Variants in LHFPL3 observed in about 807,000 individuals in gnomAD.
The protein encoded by LHFPL3 is LHFPL tetraspan subfamily member 3.
A neutral mutation model predicts 19.3 loss-of-function variants in LHFPL3; 5 were observed. The observed-to-expected ratio is 0.26, with a 90% confidence interval of 0.14 to 0.54. The LOEUF (loss-of-function observed/expected upper bound fraction) is 0.54, where lower values mean the gene tolerates loss of function less well. Among genes scored for constraint, LHFPL3 ranks in the 20% least tolerant of loss-of-function variants. The pLI is 0.94. For missense variants in LHFPL3, 249 were observed against 307.4 expected (o/e 0.81, Z 1.42); for synonymous variants, 133 against 126.2 (o/e 1.05, Z -0.36).
intron 1 of LHFPL3, among the ~76,000 whole-genome samples, chr7:104,534,442 T>C (rs987754515): frequency 6.6e-6 from 1 of 152,240 alleles, no homozygotes; most frequent in Non-Finnish European, 1.5e-5. Context: ...TCAGCAGAGC[T>C]GGAGGATGTC....
intron 1 of LHFPL3, among the ~76,000 whole-genome samples, chr7:104,518,376 T>C (rs1793963087): frequency 6.6e-6 from 1 of 152,164 alleles, no homozygotes; most frequent in South Asian, 2.1e-4. Context: ...GGTAAAAATA[T>C]ATTAAGTTTG....
intron 1 of LHFPL3, among the ~76,000 whole-genome samples, chr7:104,331,715 TGAGGTAGGTG>T (rs1801570369): frequency 6.6e-6 from 1 of 152,064 alleles, no homozygotes; most frequent in Admixed American, 6.5e-5. Flanking sequence ...TTTGGGAGGC[TGAGGTAGGTG>T]GATCATTTGA....
At chr7:104,356,822 A>G (rs957565751) in intron 1 of LHFPL3, among the ~76,000 whole-genome samples, 12 of 152,194 alleles carry the variant, frequency 7.9e-5, no homozygotes, top group African/African-American at 2.9e-4. Context: ...AAATGGCCTA[A>G]GGAGCCCATA....
chr7:104,464,174 T>C (rs1460142713), intron 1 of LHFPL3, among the ~76,000 whole-genome samples: 1 of 152,240 alleles, frequency 6.6e-6, no homozygotes, highest in Non-Finnish European at 1.5e-5. Context: ...CTTAAAGTTC[T>C]AAAATAATCT....
At chr7:104,752,385 C>A (rs1199624022) in intron 2 of LHFPL3, among the ~76,000 whole-genome samples, 1 of 150,058 alleles carries the variant, frequency 6.7e-6, no homozygotes, top group African/African-American at 2.5e-5. Flanking sequence ...ACGCTATCTT[C>A]TTCTGTTTGA....
At chr7:104,685,715 C>T (rs575671135) in intron 1 of LHFPL3, among the ~76,000 whole-genome samples, 8 of 152,284 alleles carry the variant, frequency 5.3e-5, no homozygotes, top group African/African-American at 1.4e-4. Flanking sequence ...TCTAAGATTC[C>T]GTTCATTCAA....
At chr7:104,388,066 C>G (rs1790985017) in intron 1 of LHFPL3, among the ~76,000 whole-genome samples, 1 of 152,096 alleles carries the variant, frequency 6.6e-6, no homozygotes, top group African/African-American at 2.4e-5. Context: ...TGTTAGTTTT[C>G]TTAGCATAAT....
chr7:104,368,651 ACG>A (rs1491571801), intron 1 of LHFPL3, among the ~76,000 whole-genome samples: 1 of 68,820 alleles, frequency 1.5e-5, no homozygotes, highest in South Asian at 5.7e-4. Flanking sequence ...GCACACATGT[ACG>A]TGTGTGTGTG....
chr7:104,785,355 CG>C (rs1245469788), intron 2 of LHFPL3: 1 of 152,202 alleles, frequency 6.6e-6, no homozygotes, highest in Non-Finnish European at 1.5e-5. Flanking sequence ...GCTCTACTTC[CG>C]GTCTCCAGAA....
At chr7:104,734,000 T>C (rs867326509) in intron 1 of LHFPL3, among the ~76,000 whole-genome samples, 7 of 152,224 alleles carry the variant, frequency 4.6e-5, no homozygotes, top group Non-Finnish European at 1.5e-5. Flanking sequence ...TGGCTGGATA[T>C]GAAATTCTGG....
intron 1 of LHFPL3, among the ~76,000 whole-genome samples, chr7:104,440,363 A>G (rs1465084367): frequency 3.3e-5 from 5 of 151,188 alleles, no homozygotes; most frequent in African/African-American, 1.2e-4. Flanking sequence ...GAATCGAACA[A>G]TGAGAATACT....
intron 1 of LHFPL3, chr7:104,470,031 C>T (rs1403042028): frequency 2.2e-6 from 1 of 455,956 alleles, no homozygotes; most frequent in Admixed American, 2.3e-5. Flanking sequence ...GCTGTGTGAA[C>T]TTCGGGTGTT....
intron 2 of LHFPL3, among the ~76,000 whole-genome samples, chr7:104,844,879 A>G (rs567044198): frequency 6.6e-6 from 1 of 152,312 alleles, no homozygotes; most frequent in Admixed American, 6.5e-5. Flanking sequence ...AGCAGGGATT[A>G]CAGGCGCTCA....
chr7:104,507,193 C>A (rs1038071468), intron 1 of LHFPL3, among the ~76,000 whole-genome samples: 1 of 151,878 alleles, frequency 6.6e-6, no homozygotes, highest in Non-Finnish European at 1.5e-5. Flanking sequence ...CATCACACTA[C>A]CTGACTTCAA....
At chr7:104,528,878 A>G (rs1794240040) in intron 1 of LHFPL3, among the ~76,000 whole-genome samples, 1 of 152,194 alleles carries the variant, frequency 6.6e-6, no homozygotes, top group Admixed American at 6.5e-5. Context: ...AAGGGATAGG[A>G]AATCCAACTC....
intron 1 of LHFPL3, among the ~76,000 whole-genome samples, chr7:104,577,969 A>G (rs1158405173): frequency 6.6e-6 from 1 of 152,222 alleles, no homozygotes; most frequent in Non-Finnish European, 1.5e-5. Flanking sequence ...AAGAACAAAA[A>G]AGAAATTCTA....
intron 1 of LHFPL3, among the ~76,000 whole-genome samples, chr7:104,340,716 C>T (rs1789930654): frequency 6.6e-6 from 1 of 152,046 alleles, no homozygotes; most frequent in Non-Finnish European, 1.5e-5. Context: ...TATAAAAATG[C>T]TATTGTGATT....
intron 1 of LHFPL3, among the ~76,000 whole-genome samples, chr7:104,649,589 G>C (rs1049040106): frequency 1.3e-5 from 2 of 152,188 alleles, no homozygotes; most frequent in African/African-American, 4.8e-5. Context: ...AGAGGTGGAC[G>C]GGGCCAAACC....
chr7:104,384,873 G>A (rs1790906202), intron 1 of LHFPL3, among the ~76,000 whole-genome samples: 1 of 150,858 alleles, frequency 6.6e-6, no homozygotes, highest in Non-Finnish European at 1.5e-5. Flanking sequence ...AGAGGAATCA[G>A]CAAGGAGGAC....
Sources: gnomAD v4.1 joint callset for allele counts (sites outside exome capture counted in the v4.1 genomes callset) on GRCh38, gnomAD v4.1.1 for gene constraint, MANE v1.5 for transcripts, NCBI Gene and HGNC (gene_info 2026-07-23, HGNC 2026-07-21) for gene names.